The following TNIK variants were observed in gnomAD, a reference collection of about 807,000 sequenced individuals.
TNIK encodes TRAF2 and NCK-interacting protein kinase.
TNIK carries 49 observed loss-of-function variants against 191.3 expected under a neutral mutation model. The ratio of observed to expected loss-of-function variants is 0.26; its 90% CI spans 0.20 to 0.32. The LOEUF is 0.32. Among genes scored for constraint, TNIK ranks in the 10% least tolerant of loss-of-function variants. The probability of loss-of-function intolerance (pLI) is 1.00; values close to 1 mark genes in which losing one functional copy is unlikely to be tolerated. For synonymous variants in TNIK, 594 were observed against 600.9 expected (o/e 0.99, Z 0.17); for missense variants, 1,155 against 1,702.3 (o/e 0.68, Z 5.66).
At chr3:171,438,770 G>A (rs373056214) in intron 1 of TNIK, among the ~76,000 whole-genome samples, 3 of 152,042 alleles carry the variant, frequency 2.0e-5, no homozygotes, top group African/African-American at 7.2e-5. Flanking sequence ...TTTGTGGCTC[G>A]ATCAGGTTAA....
intron 1 of TNIK, among the ~76,000 whole-genome samples, chr3:171,416,861 C>A (rs999620861): frequency 3.3e-5 from 5 of 152,128 alleles, no homozygotes; most frequent in Non-Finnish European, 7.4e-5. Context: ...CAATAAAGTT[C>A]TTATTAAATG....
chr3:171,175,465 A>G, intron 8 of TNIK, 135 bp from the exon 9 acceptor site: 1 of 656,048 alleles, frequency 1.5e-6, no homozygotes, highest in Non-Finnish European at 2.6e-6. Context: ...AAGTCAGAAT[A>G]TCCAAATGCT....
chr3:171,132,475 G>A (rs1729444236), intron 15 of TNIK, among the ~76,000 whole-genome samples: 1 of 152,146 alleles, frequency 6.6e-6, no homozygotes. Flanking sequence ...TAGGATAGGA[G>A]TAATGTCTAT....
At chr3:171,211,865 C>CT (rs1207851422) in intron 3 of TNIK, among the ~76,000 whole-genome samples, 1 of 152,162 alleles carries the variant, frequency 6.6e-6, no homozygotes, top group African/African-American at 2.4e-5. Flanking sequence ...AAAGAGACAA[C>CT]TCTCTTACAG....
intron 15 of TNIK, among the ~76,000 whole-genome samples, chr3:171,137,693 C>T (rs537976748): frequency 1.1e-4 from 16 of 152,236 alleles, no homozygotes; most frequent in African/African-American, 3.9e-4. Flanking sequence ...AAAGTGAATA[C>T]CACCACCACA....
intron 9 of TNIK, among the ~76,000 whole-genome samples, chr3:171,170,892 A>C (rs1191051868): frequency 6.6e-6 from 1 of 152,108 alleles, no homozygotes; most frequent in Non-Finnish European, 1.5e-5. Context: ...CTTTATAAAC[A>C]ATAGAAAAAA....
chr3:171,369,828 C>T (rs1018314503), intron 1 of TNIK, 143 bp from the exon 2 acceptor site: 1 of 528,116 alleles, frequency 1.9e-6, no homozygotes, highest in Non-Finnish European at 3.1e-6. Flanking sequence ...TTAATACTAT[C>T]AAAATTTTAA....
At chr3:171,454,954 C>T (rs867592657) in intron 1 of TNIK, among the ~76,000 whole-genome samples, 22 of 152,172 alleles carry the variant, frequency 1.4e-4, no homozygotes, top group Middle Eastern at 6.8e-3. Context: ...TTTGAATAAT[C>T]GGTAATACAT....
intron 1 of TNIK, among the ~76,000 whole-genome samples, chr3:171,382,469 C>T (rs746577701): frequency 9.2e-5 from 14 of 152,176 alleles, no homozygotes; most frequent in Non-Finnish European, 1.5e-4. Flanking sequence ...AATCCCCTCG[C>T]CTCAGCCTCC....
Position 171,063,357 on chromosome 3 carries a change from T to C in TNIK, c.*524A>G, listed in dbSNP as rs1215416828. ...AGAGAGTTCTTAAATTACTCCACTA[T>C]GTAGTTATGGCCTTCAGCCTAAGGA... On this transcript the variant is annotated 3_prime_UTR_variant, in exon 33 of 33. Transcript: ENST00000436636. 1 of 152,290 alleles carries C rather than the reference T, an allele frequency of 6.6e-6. No individual in the cohort carries two copies. The highest frequency in any genetic ancestry group is 1.5e-5 in the Non-Finnish European group (1 of 68,078). The allele number at this position is 152,290 out of a possible 1,614,324, so 9.4% of individuals were successfully genotyped here.
At chr3:171,148,351 T>C (rs1171919443) in intron 12 of TNIK, among the ~76,000 whole-genome samples, 1 of 152,216 alleles carries the variant, frequency 6.6e-6, no homozygotes, top group East Asian at 1.9e-4. Flanking sequence ...TGGATGCTAG[T>C]CAATGTGATT....
At chr3:171,355,997 C>T (rs1259701605) in intron 2 of TNIK, among the ~76,000 whole-genome samples, 2 of 152,086 alleles carry the variant, frequency 1.3e-5, no homozygotes, top group Admixed American at 6.5e-5. Context: ...AACTGGCCTT[C>T]CCCCTGCTTG....
Position 171,063,483 on chromosome 3 carries a change from C to T in TNIK, c.*398G>A, listed in dbSNP as rs1336682092. 3 of 157,716 alleles carry T rather than the reference C, an allele frequency of 1.9e-5. No individual in the cohort carries two copies. Among genetic ancestry groups the T allele is most frequent in the Non-Finnish European group, 4.2e-5 (3 of 71,982 alleles). 9.8% of individuals were successfully genotyped at this position (157,716 alleles called of 1,614,324 possible). ...AGACAGAATTTAAAAGACTCATTTT[C>T]GCAGTATGCATTCTTTCCCCATTCT... On this transcript the variant is annotated 3_prime_UTR_variant, in exon 33 of 33. Transcript: ENST00000436636.
intron 27 of TNIK, among the ~76,000 whole-genome samples, chr3:171,081,461 C>T (rs1042945386): frequency 2.0e-5 from 3 of 150,280 alleles, no homozygotes; most frequent in Admixed American, 6.7e-5. Context: ...CTAAACCCCA[C>T]CCCCAGAGAT....
intron 2 of TNIK, among the ~76,000 whole-genome samples, chr3:171,343,271 T>C (rs1711590641): frequency 6.6e-6 from 1 of 152,192 alleles, no homozygotes; most frequent in African/African-American, 2.4e-5. Context: ...GGATAACTCA[T>C]TTTGATAGTA....
intron 2 of TNIK, among the ~76,000 whole-genome samples, chr3:171,260,548 G>A (rs539009457): frequency 6.6e-6 from 1 of 152,252 alleles, no homozygotes; most frequent in East Asian, 1.9e-4. Context: ...GAGTGACTAG[G>A]GTACAGAGGC....
chr3:171,339,998 T>C (rs1350448927), intron 2 of TNIK, among the ~76,000 whole-genome samples: 1 of 152,196 alleles, frequency 6.6e-6, no homozygotes, highest in East Asian at 1.9e-4. Flanking sequence ...GAGATTTATG[T>C]TCAAAGATAT....
chr3:171,372,622 G>A (rs1326743788), intron 1 of TNIK, among the ~76,000 whole-genome samples: 3 of 152,196 alleles, frequency 2.0e-5, no homozygotes, highest in African/African-American at 7.2e-5. Flanking sequence ...CCATTGACTA[G>A]TCACTGCATG....
At chr3:171,365,091 G>A (rs1715503956) in intron 2 of TNIK, among the ~76,000 whole-genome samples, 2 of 141,094 alleles carry the variant, frequency 1.4e-5, no homozygotes, top group Non-Finnish European at 1.5e-5. Flanking sequence ...GGAGATGTAA[G>A]TATATGTTTG....
Sources: allele counts gnomAD v4.1 joint callset (sites outside exome capture counted in the v4.1 genomes callset), GRCh38; gene constraint gnomAD v4.1.1; transcripts MANE v1.5; gene names NCBI Gene and HGNC (gene_info 2026-07-23, HGNC 2026-07-21).